Variants in AP4S1 observed in about 807,000 individuals in gnomAD.
AP4S1 encodes the protein AP-4 complex subunit sigma-1.
Under a neutral mutation model 19.8 loss-of-function variants are expected in AP4S1, and 23 were observed. The ratio of observed to expected loss-of-function variants is 1.16; its 90% confidence interval spans 0.84 to 1.65. The LOEUF is 1.65. Ranked by LOEUF, AP4S1 falls within the 40% of genes most tolerant of loss-of-function variation. The pLI is 0.00. For synonymous variants in AP4S1, 46 were observed against 54.1 expected (o/e 0.85, Z 0.66); for missense variants, 166 against 172.8 (o/e 0.96, Z 0.22).
intron 4 of AP4S1, among the ~76,000 whole-genome samples, chr14:31,073,382 C>T (rs1161303397): frequency 2.3e-4 from 31 of 133,602 alleles, no homozygotes; most frequent in East Asian, 6.7e-4. Context: ...CCCAGCTACT[C>T]CGGAGGCTGA....
intron 1 of AP4S1, among the ~76,000 whole-genome samples, chr14:31,033,599 A>G (rs1432723172): frequency 6.6e-6 from 1 of 152,166 alleles, no homozygotes; most frequent in Non-Finnish European, 1.5e-5. Context: ...GTGTTCAGAA[A>G]CCAAAGGAGC....
chr14:31,079,109 G>A (rs1337086860), intron 4 of AP4S1, among the ~76,000 whole-genome samples: 1 of 152,120 alleles, frequency 6.6e-6, no homozygotes, highest in African/African-American at 2.4e-5. Context: ...TTTGCCAGAG[G>A]TGAGGGTTGT....
chr14:31,063,306 T>C (rs1434169562), intron 1 of AP4S1, among the ~76,000 whole-genome samples: 1 of 152,072 alleles, frequency 6.6e-6, no homozygotes, highest in African/African-American at 2.4e-5. Flanking sequence ...GGCAGGCACC[T>C]GTAATCTTAG....
chr14:31,039,049 G>T (rs1204850779), intron 1 of AP4S1, among the ~76,000 whole-genome samples: 2 of 149,898 alleles, frequency 1.3e-5, no homozygotes, highest in Non-Finnish European at 3.0e-5. Context: ...TTGCTCTGTT[G>T]CCTTGATCTG....
At chr14:31,064,353 A>T (rs915115375) in intron 1 of AP4S1, among the ~76,000 whole-genome samples, 3 of 151,808 alleles carry the variant, frequency 2.0e-5, no homozygotes. Context: ...GGCTCAAGAG[A>T]TTCTCCTCCC....
At chr14:31,092,798 C>A in intron 5 of AP4S1, 109 bp from the exon 6 acceptor site, 1 of 783,146 alleles carries the variant, frequency 1.3e-6, no homozygotes, top group Non-Finnish European at 1.9e-6. Flanking sequence ...GTACAAAAAA[C>A]CTCATGCTTA....
At chr14:31,047,313 C>T (rs933036373) in intron 1 of AP4S1, among the ~76,000 whole-genome samples, 4 of 150,968 alleles carry the variant, frequency 2.6e-5, no homozygotes, top group Admixed American at 6.6e-5. Context: ...TAGTGTCTTA[C>T]GTGGGTTTTC....
chr14:31,088,955 G>T (rs1378088775), intron 5 of AP4S1, among the ~76,000 whole-genome samples: 4 of 151,862 alleles, frequency 2.6e-5, no homozygotes, highest in African/African-American at 9.7e-5. Flanking sequence ...TCAGCCCAGG[G>T]GTTCAAGACC....
chr14:31,027,934 T>A (rs1449954971), intron 1 of AP4S1, among the ~76,000 whole-genome samples: 1 of 152,198 alleles, frequency 6.6e-6, no homozygotes, highest in Non-Finnish European at 1.5e-5. Context: ...AAAATTTTTT[T>A]TCTTTACTGC....
chr14:31,045,153 C>T (rs1055865476), intron 1 of AP4S1, among the ~76,000 whole-genome samples: 2 of 152,136 alleles, frequency 1.3e-5, no homozygotes, highest in Non-Finnish European at 2.9e-5. Flanking sequence ...CCGCCCGCTT[C>T]GGCCTCCCAA....
At chr14:31,031,917 G>A (rs1437582521) in intron 1 of AP4S1, among the ~76,000 whole-genome samples, 1 of 151,992 alleles carries the variant, frequency 6.6e-6, no homozygotes, top group Non-Finnish European at 1.5e-5. Flanking sequence ...TGCAACATGG[G>A]GAGACCCTGT....
Position 31,040,863 on chromosome 14 carries a change from A to T in AP4S1, c.-72+15076A>T, listed in dbSNP as rs548122747. On this transcript the variant is annotated intron_variant, in intron 1 of 5. Transcript: ENST00000542754. The stretch of plus-strand genomic sequence containing the variant: ...GAATCAGGATATCTAATAAGAATTT[A>T]AAAAATTAGATAAGATGTACATAAC... 1.8e-4 allele frequency among the ~76,000 whole-genome samples: 27 copies of T among 152,144 alleles called. No individual in the cohort carries two copies. In the East Asian group the frequency reaches 4.7e-3, roughly 26 times the overall value.
At chr14:31,029,508 C>G (rs1247331360) in intron 1 of AP4S1, among the ~76,000 whole-genome samples, 1 of 152,180 alleles carries the variant, frequency 6.6e-6, no homozygotes, top group Admixed American at 6.5e-5. Context: ...ATGCTGTGCC[C>G]CATTGCCTAT....
chr14:31,085,352 C>T (rs1020467638), intron 5 of AP4S1: 11 of 992,426 alleles, frequency 1.1e-5, no homozygotes, highest in Non-Finnish European at 1.3e-5. Flanking sequence ...GATGTCCCAC[C>T]TACGTGCCTG....
intron 1 of AP4S1, among the ~76,000 whole-genome samples, chr14:31,038,288 G>A (rs1340272682): frequency 6.6e-6 from 1 of 152,142 alleles, no homozygotes; most frequent in Non-Finnish European, 1.5e-5. Flanking sequence ...ACACACTATA[G>A]TGAATATAGT....
At chr14:31,039,683 C>T (rs959386168) in intron 1 of AP4S1, among the ~76,000 whole-genome samples, 12 of 151,582 alleles carry the variant, frequency 7.9e-5, no homozygotes, top group South Asian at 4.2e-4. Context: ...CGCCATTCTC[C>T]GGGTTCACGC....
intron 4 of AP4S1, chr14:31,073,179 G>T: frequency 2.9e-5 from 13 of 450,552 alleles, no homozygotes; most frequent in South Asian, 5.4e-5. Flanking sequence ...TCTTTATAAA[G>T]AACTGGAAAA....
intron 4 of AP4S1, among the ~76,000 whole-genome samples, chr14:31,078,638 G>A (rs1422149462): frequency 1.3e-5 from 2 of 152,056 alleles, no homozygotes; most frequent in Non-Finnish European, 2.9e-5. Flanking sequence ...CATTGCTAAG[G>A]TTTTAAAAAT....
rs1350196650 is a variant in AP4S1, at chr14:31,045,075, T to TA, written c.-72+19289dup. Among the ~76,000 whole-genome samples, 18 of 152,038 alleles carry TA rather than the reference T, an allele frequency of 1.2e-4. No individual in the cohort carries two copies. In the East Asian group the frequency reaches 2.9e-3, roughly 25 times the overall value. On this transcript the variant is annotated intron_variant, in intron 1 of 5. Transcript: ENST00000542754. ...CGCCACTACACCCGGCTAATTTTTGTATTTTTAGTAGAGACGGGGTTTCAC... is the reference window on the plus strand; with the variant it reads ...CGCCACTACACCCGGCTAATTTTTGTAATTTTTAGTAGAGACGGGGTTTCAC...
Sources: gnomAD v4.1 joint callset for allele counts (sites outside exome capture counted in the v4.1 genomes callset) on GRCh38, gnomAD v4.1.1 for gene constraint, MANE v1.5 for transcripts, NCBI Gene and HGNC (gene_info 2026-07-23, HGNC 2026-07-21) for gene names.